The following GPR158 variants were observed in gnomAD, a reference collection of about 807,000 sequenced individuals.
GPR158 encodes G protein-coupled receptor 158.
In GPR158, 30 loss-of-function variants were observed where a neutral mutation model predicts 78.2. The observed-to-expected ratio is 0.38, with a 90% CI of 0.29 to 0.52. GPR158 has a LOEUF of 0.52. Among genes scored for constraint, GPR158 ranks in the 20% least tolerant of loss-of-function variants. The probability of loss-of-function intolerance (pLI) is 0.83; values close to 1 mark genes in which losing one functional copy is unlikely to be tolerated. For missense variants in GPR158, 1,463 were observed against 1,523.5 expected (o/e 0.96, Z 0.66); for synonymous variants, 581 against 591.1 (o/e 0.98, Z 0.25).
At chr10:25,337,435 C>T (rs542436403) in intron 2 of GPR158, among the ~76,000 whole-genome samples, 32 of 152,010 alleles carry the variant, frequency 2.1e-4, no homozygotes, top group East Asian at 1.2e-3. Flanking sequence ...GCTTTTTTTG[C>T]GTAACAGTTT....
intron 2 of GPR158, among the ~76,000 whole-genome samples, chr10:25,285,268 TAC>T (rs151075928): frequency 1.3e-5 from 2 of 151,862 alleles, no homozygotes; most frequent in African/African-American, 2.4e-5. Flanking sequence ...TCTCTCTCTC[TAC>T]ACACACACAC....
intron 1 of GPR158, among the ~76,000 whole-genome samples, chr10:25,183,640 C>T (rs560130260): frequency 6.0e-4 from 92 of 152,270 alleles, no homozygotes; most frequent in African/African-American, 2.1e-3. Flanking sequence ...TAATCTTCCT[C>T]ATTTAATAAA....
intron 5 of GPR158, among the ~76,000 whole-genome samples, chr10:25,519,631 G>A (rs1322898601): frequency 7.0e-6 from 1 of 143,556 alleles, no homozygotes; most frequent in Non-Finnish European, 1.5e-5. Flanking sequence ...CTTCACTTAC[G>A]AAGCTTAGCT....
chr10:25,368,648 G>T (rs771475195), intron 2 of GPR158, among the ~76,000 whole-genome samples: 1 of 151,856 alleles, frequency 6.6e-6, no homozygotes, highest in East Asian at 1.9e-4. Context: ...GTGTAAATTT[G>T]TTCGGCCATT....
intron 2 of GPR158, among the ~76,000 whole-genome samples, chr10:25,380,702 G>T (rs1231259412): frequency 1.3e-5 from 2 of 151,958 alleles, no homozygotes; most frequent in East Asian, 3.9e-4. Flanking sequence ...TATGGAATTA[G>T]GAGTAATAAT....
At chr10:25,292,905 G>A (rs1052152085) in intron 2 of GPR158, among the ~76,000 whole-genome samples, 4 of 152,258 alleles carry the variant, frequency 2.6e-5, no homozygotes, top group African/African-American at 9.6e-5. Context: ...AACAATGCTG[G>A]ACAATGATAA....
intron 5 of GPR158, among the ~76,000 whole-genome samples, chr10:25,550,737 G>T (rs1318856450): frequency 6.6e-6 from 1 of 152,080 alleles, no homozygotes; most frequent in African/African-American, 2.4e-5. Flanking sequence ...ATCTGCTAAT[G>T]CTATCCCTCC....
intron 5 of GPR158, among the ~76,000 whole-genome samples, chr10:25,538,405 G>A (rs1302708982): frequency 1.3e-5 from 2 of 152,108 alleles, no homozygotes; most frequent in Non-Finnish European, 2.9e-5. Context: ...TCAATTCAGG[G>A]TAATAAACAG....
chr10:25,577,403 C>T (rs530140229), intron 7 of GPR158, among the ~76,000 whole-genome samples: 1 of 152,044 alleles, frequency 6.6e-6, no homozygotes, highest in East Asian at 1.9e-4. Flanking sequence ...GCTGTGTGCA[C>T]TTACATTAGT....
At chr10:25,524,927 A>T (rs1416286958) in intron 5 of GPR158, among the ~76,000 whole-genome samples, 4 of 152,202 alleles carry the variant, frequency 2.6e-5, no homozygotes, top group Non-Finnish European at 5.9e-5. Flanking sequence ...TCAATAATAA[A>T]AAGACAATTC....
At chr10:25,426,339 A>G (rs1364751062) in intron 4 of GPR158, among the ~76,000 whole-genome samples, 1 of 152,118 alleles carries the variant, frequency 6.6e-6, no homozygotes, top group African/African-American at 2.4e-5. Context: ...ACTTTCCATC[A>G]GTAACTTTTC....
intron 2 of GPR158, among the ~76,000 whole-genome samples, chr10:25,315,181 C>G (rs1252214502): frequency 2.0e-5 from 3 of 151,800 alleles, no homozygotes; most frequent in Non-Finnish European, 4.4e-5. Context: ...TCTGCTATTT[C>G]TTTACTTTGT....
intron 4 of GPR158, chr10:25,466,307 C>CCCTTCGATCGAGAAAAGA (rs1341713788): frequency 5.9e-5 from 11 of 187,504 alleles, no homozygotes; most frequent in Middle Eastern, 2.4e-3. Flanking sequence ...AGACCACGAA[C>CCCTTCGATCGAGAAAAGA]CCTTCGATCG....
Position 25,241,338 on chromosome 10 carries a change from T to TCTC in GPR158, c.1008+20181_1008+20182insCTC, listed in dbSNP as rs1554787248. Among the ~76,000 whole-genome samples, 105 of 110,834 alleles carry TCTC rather than the reference T, an allele frequency of 9.5e-4. 1 individual carries two copies. The highest frequency in any genetic ancestry group is 2.1e-3 in the African/African-American group (53 of 24,798). The allele number at this position is 110,834 out of a possible 152,430, so 72.7% of individuals were successfully genotyped here. A position where few individuals can be genotyped will look rare whatever the true frequency, so the allele number is the denominator to read the frequency against. ...TCTCTTCTCTTCTCTTCTCTTCTCT[T>TCTC]TTCTCTTTTCTCTTTTCTTTTCTCT... On this transcript the variant is annotated intron_variant, in intron 2 of 10. Coordinates refer to ENST00000376351, the MANE Select transcript of GPR158 (RefSeq NM_020752.3).
At chr10:25,392,839 A>G (rs1019030769) in intron 2 of GPR158, among the ~76,000 whole-genome samples, 3 of 152,232 alleles carry the variant, frequency 2.0e-5, no homozygotes, top group African/African-American at 7.2e-5. Flanking sequence ...AAAATAAGCC[A>G]AGACCACTTG....
At chr10:25,551,729 G>A (rs1164180414) in intron 6 of GPR158, among the ~76,000 whole-genome samples, 3 of 152,136 alleles carry the variant, frequency 2.0e-5, no homozygotes, top group Admixed American at 6.6e-5. Flanking sequence ...ATTCCGGGGC[G>A]CTCTCTTGCC....
chr10:25,327,281 A>AAC (rs997913930), intron 2 of GPR158, among the ~76,000 whole-genome samples: 9 of 150,670 alleles, frequency 6.0e-5, no homozygotes, highest in East Asian at 1.9e-4. Context: ...CAGAAACACA[A>AAC]ACACACACAC....
intron 7 of GPR158, among the ~76,000 whole-genome samples, chr10:25,581,179 C>T (rs372812663): frequency 6.6e-6 from 1 of 151,990 alleles, no homozygotes; most frequent in East Asian, 1.9e-4. Flanking sequence ...CCACCCGCCT[C>T]GGCCTCCCAA....
chr10:25,309,044 C>T (rs1854724690), intron 2 of GPR158, among the ~76,000 whole-genome samples: 2 of 151,972 alleles, frequency 1.3e-5, no homozygotes, highest in South Asian at 4.1e-4. Flanking sequence ...TATGAGCCTG[C>T]TTTTATTTTT....
Sources: allele counts gnomAD v4.1 joint callset (sites outside exome capture counted in the v4.1 genomes callset), GRCh38; gene constraint gnomAD v4.1.1; transcripts MANE v1.5; gene names NCBI Gene and HGNC (gene_info 2026-07-23, HGNC 2026-07-21).